Variants in PARL observed in about 807,000 individuals in gnomAD.
PARL encodes presenilin-associated rhomboid-like protein, mitochondrial.
In PARL, 44 loss-of-function variants were observed where a neutral mutation model predicts 51.6. The ratio of observed to expected loss-of-function variants is 0.85; its 90% CI spans 0.67 to 1.10. The LOEUF is 1.10. Among genes scored for constraint, PARL ranks in the 50% least tolerant of loss-of-function variants. The probability of loss-of-function intolerance (pLI) is 0.00; values close to 1 mark genes in which losing one functional copy is unlikely to be tolerated. For missense variants in PARL, 441 were observed against 469.5 expected (o/e 0.94, Z 0.56); for synonymous variants, 172 against 164.0 (o/e 1.05, Z -0.37).
chr3:183,866,795 G>A, intron 2 of PARL, 30 bp from the exon 3 acceptor site: 1 of 1,448,218 alleles, frequency 6.9e-7, no homozygotes, highest in Non-Finnish European at 9.7e-7. Flanking sequence ...TTACAAAATA[G>A]ATTTAAGAGG....
At chr3:183,853,677 T>TCAA (rs1355413202) in intron 4 of PARL, among the ~76,000 whole-genome samples, 2 of 152,100 alleles carry the variant, frequency 1.3e-5, no homozygotes, top group African/African-American at 4.8e-5. Context: ...GAAAAGATGC[T>TCAA]CAACATCACT....
At chr3:183,869,373 A>G (rs923826113) in intron 1 of PARL, among the ~76,000 whole-genome samples, 1 of 151,926 alleles carries the variant, frequency 6.6e-6, no homozygotes, top group East Asian at 1.9e-4. Context: ...ACACCTGGCT[A>G]ATTTTTGTAT....
chr3:183,839,442 A>G (rs1729029881), intron 7 of PARL, among the ~76,000 whole-genome samples: 1 of 152,182 alleles, frequency 6.6e-6, no homozygotes, highest in African/African-American at 2.4e-5. Flanking sequence ...TCTGTGAGAC[A>G]GGGTCTTGTT....
intron 1 of PARL, among the ~76,000 whole-genome samples, chr3:183,875,212 C>T (rs1464472786): frequency 6.6e-6 from 1 of 151,984 alleles, no homozygotes; most frequent in Non-Finnish European, 1.5e-5. Flanking sequence ...GTCAGGAGTT[C>T]GAGACCAGCC....
chr3:183,844,468 C>T, intron 4 of PARL, 142 bp from the exon 5 acceptor site: 1 of 652,506 alleles, frequency 1.5e-6, no homozygotes, highest in South Asian at 1.8e-5. Flanking sequence ...CAAAAAAAAG[C>T]AAGTGAAATG....
chr3:183,877,860 G>T (rs559482753), intron 1 of PARL, among the ~76,000 whole-genome samples: 1 of 150,974 alleles, frequency 6.6e-6, no homozygotes, highest in Non-Finnish European at 1.5e-5. Flanking sequence ...GCATGATCTC[G>T]GCTCACTGCA....
At chr3:183,842,807 C>CAAA (rs370931513) in intron 5 of PARL, among the ~76,000 whole-genome samples, 1,712 of 53,160 alleles carry the variant, frequency 0.032, 142 homozygotes, top group African/African-American at 0.1. Flanking sequence ...GACTCTATCT[C>CAAA]AAAAAAAAAA....
chr3:183,854,596 G>A (rs1051610472), intron 4 of PARL, among the ~76,000 whole-genome samples: 1 of 151,924 alleles, frequency 6.6e-6, no homozygotes, highest in Non-Finnish European at 1.5e-5. Flanking sequence ...GAGAAAAAGG[G>A]GACGTATTGT....
chr3:183,879,824 C>T (rs548053219), intron 1 of PARL: 6 of 226,288 alleles, frequency 2.7e-5, no homozygotes, highest in Admixed American at 6.5e-5. Flanking sequence ...TCAAGTGATT[C>T]CCCTGCCTCA....
At chr3:183,864,491 T>C (rs1265961935) in intron 3 of PARL, among the ~76,000 whole-genome samples, 1 of 151,988 alleles carries the variant, frequency 6.6e-6, no homozygotes, top group African/African-American at 2.4e-5. Context: ...AGAAATAAAA[T>C]ATTGGCTGGG....
At chr3:183,855,445 T>C (rs1354872075) in intron 4 of PARL, among the ~76,000 whole-genome samples, 3 of 152,142 alleles carry the variant, frequency 2.0e-5, no homozygotes, top group Non-Finnish European at 4.4e-5. Flanking sequence ...CTCAGCCAAC[T>C]GCACATTTTA....
chr3:183,828,101 G>A (rs1013028862), downstream of PARL, among the ~76,000 whole-genome samples: 29 of 152,330 alleles, frequency 1.9e-4, no homozygotes, highest in African/African-American at 7.0e-4. Flanking sequence ...AGGCTTCTCC[G>A]GCCACAGCCA....
chr3:183,875,434 AAAAAT>A (rs1733690242), intron 1 of PARL, among the ~76,000 whole-genome samples: 1 of 151,216 alleles, frequency 6.6e-6, no homozygotes, highest in African/African-American at 2.4e-5. Context: ...AAAAAAAAAA[AAAAAT>A]AGAGTAAGAA....
intron 1 of PARL, among the ~76,000 whole-genome samples, chr3:183,869,035 C>T (rs1019179767): frequency 9.9e-5 from 15 of 152,166 alleles, no homozygotes; most frequent in Non-Finnish European, 2.1e-4. Flanking sequence ...AACAGCACTT[C>T]CTACTCTTCA....
chr3:183,826,718 G>A, downstream of PARL: 2 of 985,410 alleles, frequency 2.0e-6, no homozygotes, highest in East Asian at 1.1e-4. Flanking sequence ...GAGGCGCCAG[G>A]TGTAGAGGGA....
intron 1 of PARL, among the ~76,000 whole-genome samples, chr3:183,878,397 G>A (rs895025360): frequency 1.3e-5 from 2 of 152,114 alleles, no homozygotes; most frequent in Non-Finnish European, 2.9e-5. Flanking sequence ...CTCCAGCTTT[G>A]GATAAGAACT....
chr3:183,872,087 C>T (rs1733283772), intron 1 of PARL, among the ~76,000 whole-genome samples: 3 of 151,564 alleles, frequency 2.0e-5, no homozygotes, highest in Admixed American at 1.3e-4. Flanking sequence ...CTGCAACCTC[C>T]ACTTCCCAGG....
chr3:183,851,047 G>A (rs1730489928), intron 4 of PARL, among the ~76,000 whole-genome samples: 1 of 152,108 alleles, frequency 6.6e-6, no homozygotes. Context: ...AATTCACTAG[G>A]GGAAAGAATA....
chr3:183,868,825 C>A (rs1053341902), intron 1 of PARL, among the ~76,000 whole-genome samples: 1 of 152,176 alleles, frequency 6.6e-6, no homozygotes, highest in South Asian at 2.1e-4. Context: ...TAATTATTTT[C>A]TTTTCTAAGT....
Sources: gnomAD v4.1 joint callset for allele counts (sites outside exome capture counted in the v4.1 genomes callset) on GRCh38, gnomAD v4.1.1 for gene constraint, MANE v1.5 for transcripts, NCBI Gene and HGNC (gene_info 2026-07-23, HGNC 2026-07-21) for gene names.